PDZD7: variants seen among roughly 807,000 people sequenced by gnomAD.
PDZD7 encodes PDZ domain-containing protein 7.
In PDZD7, 72 loss-of-function variants were observed where a neutral mutation model predicts 84.7. That is an observed-to-expected ratio of 0.85 (90% CI 0.70 to 1.03). PDZD7 has a LOEUF of 1.03. Among genes scored for constraint, PDZD7 ranks in the 50% least tolerant of loss-of-function variants. The pLI, the probability that PDZD7 is intolerant of heterozygous loss-of-function variation, is 0.00. For synonymous variants in PDZD7, 594 were observed against 580.7 expected (o/e 1.02, Z -0.33); for missense variants, 1,490 against 1,412.9 (o/e 1.05, Z -0.87).
intron 15 of PDZD7, 133 bp downstream of exon 15, chr10:101,010,139 C>T: frequency 8.5e-7 from 1 of 1,173,412 alleles, no homozygotes; most frequent in Non-Finnish European, 1.1e-6. Context: ...AAGTGATCCG[C>T]CTGCCTCAGC....
At chr10:101,015,923 C>T in intron 10 of PDZD7, 112 bp from the exon 11 acceptor site, 4 of 1,184,840 alleles carry the variant, frequency 3.4e-6, no homozygotes, top group African/African-American at 1.5e-5. Flanking sequence ...CTAGCCTAGC[C>T]TATATGCTCC....
At chr10:101,023,831 G>A in intron 3 of PDZD7, 97 bp downstream of exon 3, 1 of 1,593,032 alleles carries the variant, frequency 6.3e-7, no homozygotes, top group Non-Finnish European at 8.6e-7. Flanking sequence ...CAGAGCTGGG[G>A]ACTCTTCCGT....
At chr10:101,017,432 G>T in intron 9 of PDZD7, 7 of 471,928 alleles carry the variant, frequency 1.5e-5, no homozygotes, top group South Asian at 4.0e-5. Flanking sequence ...TTGCTATGTT[G>T]CCCAGGCTGG....
intron 4 of PDZD7, among the ~76,000 whole-genome samples, chr10:101,022,970 CCATGTTGGT>C (rs1157401404): frequency 6.6e-6 from 1 of 151,298 alleles, no homozygotes; most frequent in African/African-American, 2.4e-5. Flanking sequence ...CGGGGTTTCT[CCATGTTGGT>C]CAGGCTGGTC....
At chr10:101,029,178 A>T (rs1398234181) in intron 2 of PDZD7, among the ~76,000 whole-genome samples, 1 of 152,186 alleles carries the variant, frequency 6.6e-6, no homozygotes, top group Non-Finnish European at 1.5e-5. Context: ...GTCACCTCAC[A>T]TCTGTCACTA....
chr10:101,019,362 C>T, intron 7 of PDZD7, 145 bp from the exon 8 acceptor site: 1 of 1,026,538 alleles, frequency 9.7e-7, no homozygotes, highest in Non-Finnish European at 1.4e-6. Flanking sequence ...ACCCGCTGCT[C>T]CGAAATGCTG....
At chr10:101,014,723 GCACA>G (rs372593109) in intron 11 of PDZD7, among the ~76,000 whole-genome samples, 21 of 149,686 alleles carry the variant, frequency 1.4e-4, no homozygotes, top group Admixed American at 4.6e-4. Flanking sequence ...TTGCTCACAT[GCACA>G]CACACACACA....
intron 16 of PDZD7, 135 bp downstream of exon 16, chr10:101,009,115 G>A (rs1330737968): frequency 1.2e-6 from 1 of 852,704 alleles, no homozygotes; most frequent in African/African-American, 1.7e-5. Flanking sequence ...CTGCTCACCT[G>A]AACCCCCTCA....
chr10:101,019,405 A>G (rs1230937446), intron 7 of PDZD7, among the ~76,000 whole-genome samples, 188 bp from the exon 8 acceptor site: 1 of 151,852 alleles, frequency 6.6e-6, no homozygotes, highest in East Asian at 1.9e-4. Flanking sequence ...TTCTCAAATC[A>G]CCCACTGGGA....
chr10:101,011,917 C>T lies in PDZD7; in HGVS notation c.1933+8G>A. On this transcript the variant is annotated splice_region_variant and intron_variant, in intron 13 of 16. Coordinates refer to ENST00000619208, the MANE Select transcript of PDZD7 (RefSeq NM_001195263.2). ...CAGGACCCAGAAGCCCCGCCCCCCA[C>T]TGCTGACCTGCCCTGCTCTTGAGGG... 2.6e-6 allele frequency: 4 copies of T among 1,550,048 alleles called. No individual in the cohort carries two copies. The highest frequency in any genetic ancestry group is 3.5e-6 in the Non-Finnish European group (4 of 1,146,972).
chr10:101,019,724 C>A (rs1363277624), intron 7 of PDZD7, among the ~76,000 whole-genome samples: 1 of 151,500 alleles, frequency 6.6e-6, no homozygotes, highest in Non-Finnish European at 1.5e-5. Context: ...TTCCTGAGTT[C>A]AAGCGATTCT....
At position 101,022,332 on chromosome 10, in the gene PDZD7, G is replaced by A; in HGVS notation, c.596C>T (p.Ser199Phe). Residue 199 changes from serine (S) to phenylalanine (F), a missense_variant, in exon 5 of 17, where the codon TCC (serine) becomes TTC (phenylalanine). Coordinates refer to ENST00000619208, the MANE Select transcript of PDZD7 (RefSeq NM_001195263.2). ...GACACCATCTTCTGAGCTGGTGTCG[G>A]AGGGTGTTGAACCGCACTTCTCCAC... ...LVVEKCGSTP[S>F]DTSSEDGVRR... The A allele has an allele frequency of 6.2e-7, 1 of 1,614,182 alleles. No individual in the cohort carries two copies. Among genetic ancestry groups the A allele is most frequent in the South Asian group, 1.1e-5 (1 of 91,078 alleles).
At chr10:101,018,405 G>A in intron 8 of PDZD7, 109 bp from the exon 9 acceptor site, 1 of 1,191,146 alleles carries the variant, frequency 8.4e-7, no homozygotes, top group Non-Finnish European at 1.2e-6. Context: ...AGGGCAGACA[G>A]GATCTGCAGC....
chr10:101,015,559 G>A (rs1001032711), intron 11 of PDZD7, 77 bp downstream of exon 11: 40 of 1,492,982 alleles, frequency 2.7e-5, no homozygotes, highest in Non-Finnish European at 3.6e-5. Context: ...CTGGTCAGTG[G>A]ACAGTGGCCT....
rs767118841 is a variant in PDZD7 at position 101,019,011 on chromosome 10, G to T, written c.1135C>A (p.Arg379=). 1 of 1,574,530 alleles carries T rather than the reference G, an allele frequency of 6.4e-7. No homozygotes were observed. The highest frequency in any genetic ancestry group is 8.6e-7 in the Non-Finnish European group (1 of 1,162,574). Residue 379 remains arginine (R), a synonymous_variant, in exon 8 of 17, where the codon CGG becomes AGG. Transcript: ENST00000619208. The part of the protein sequence containing the change: ...AMQTEPDAGG[R]VETWCSVRPT... ...CGCACGCTGCACCAGGTCTCCACCC[G>T]GCCTCCCGCATCGGGCTCCGTCTGC...
At position 101,018,955 on chromosome 10, in the gene PDZD7, G is replaced by A. The variant is rs1590060069; in HGVS notation, c.1191C>T (p.Ile397=). ...RPTVILRDTA[I]RSDGPHPGRR... ...GGCCGGGATGGGGGCCGTCCGAGCG[G>A]ATGGCGGTGTCCCTGAGGATGACTG... Residue 397 remains isoleucine, a synonymous_variant, in exon 8 of 17, where the codon ATC becomes ATT. Coordinates refer to ENST00000619208, the MANE Select transcript of PDZD7 (RefSeq NM_001195263.2). 1 of 1,598,100 alleles carries A rather than the reference G, an allele frequency of 6.3e-7. No homozygotes were observed. The highest frequency in any genetic ancestry group is 8.5e-7 in the Non-Finnish European group (1 of 1,173,170).
chr10:101,013,053 A>G (rs750011425), intron 11 of PDZD7, among the ~76,000 whole-genome samples: 13 of 152,232 alleles, frequency 8.5e-5, no homozygotes, highest in African/African-American at 1.4e-4. Flanking sequence ...AACACTTTCT[A>G]TGGGCACAGG....
At chr10:101,022,865 C>T (rs1853197943) in intron 4 of PDZD7, among the ~76,000 whole-genome samples, 1 of 151,994 alleles carries the variant, frequency 6.6e-6, no homozygotes, top group South Asian at 2.1e-4. Flanking sequence ...TTCCGCCTCC[C>T]AGGTTCAAGT....
intron 2 of PDZD7, among the ~76,000 whole-genome samples, chr10:101,027,489 C>T (rs1432341929): frequency 6.6e-6 from 1 of 152,158 alleles, no homozygotes. Context: ...CTTCTCAAAG[C>T]GTAATCCTGG....
Sources: gnomAD v4.1 joint callset for allele counts (sites outside exome capture counted in the v4.1 genomes callset) on GRCh38, gnomAD v4.1.1 for gene constraint, MANE v1.5 for transcripts, NCBI Gene and HGNC (gene_info 2026-07-23, HGNC 2026-07-21) for gene names.